The following CMIP variants were observed in gnomAD, a reference collection of about 807,000 sequenced individuals.
The protein encoded by CMIP is c-Maf inducing protein.
A neutral mutation model predicts 97.3 loss-of-function variants in CMIP; 13 were observed. The ratio of observed to expected loss-of-function variants is 0.13; its 90% CI spans 0.09 to 0.21. The LOEUF (loss-of-function observed/expected upper bound fraction) is 0.21. Ranked by LOEUF, CMIP falls within the 10% of genes least tolerant of loss-of-function variation. CMIP has a pLI of 1.00. For synonymous variants in CMIP, 538 were observed against 436.3 expected (o/e 1.23, Z -2.91); for missense variants, 847 against 1,024.9 (o/e 0.83, Z 2.37).
chr16:81,662,009 G>A (rs1054169504), intron 6 of CMIP, among the ~76,000 whole-genome samples: 11 of 152,118 alleles, frequency 7.2e-5, no homozygotes, highest in Non-Finnish European at 1.2e-4. Context: ...GTGTGTGTGT[G>A]TATACAGGTG....
At chr16:81,588,836 G>T (rs995291100) in intron 1 of CMIP, among the ~76,000 whole-genome samples, 1 of 152,042 alleles carries the variant, frequency 6.6e-6, no homozygotes, top group African/African-American at 2.4e-5. Flanking sequence ...GCCTCCCGTC[G>T]TCTTCCTGTG....
chr16:81,701,838 GCAGGCCAGGGGGGGC>G lies in CMIP; in HGVS notation c.1896+43_1896+57del, dbSNP rs767779798. 2.0e-5 allele frequency: 33 copies of G among 1,611,312 alleles called. No individual in the cohort carries two copies. In the South Asian group the frequency reaches 3.0e-4, roughly 14 times the overall value. On this transcript the variant is annotated intron_variant, in intron 16 of 20. Transcript: ENST00000537098. ...CTGCTCCGGACCACTCCCCTGCCCA[GCAGGCCAGGGGGGGC>G]CAGGGCGGGATGCGGGGCAGCTAGT...
At chr16:81,486,994 G>A (rs2089324743) in intron 1 of CMIP, among the ~76,000 whole-genome samples, 1 of 152,278 alleles carries the variant, frequency 6.6e-6, no homozygotes. Flanking sequence ...CGTGAGGGAA[G>A]CTTCTGGAGG....
In CMIP at chr16:81,534,280, C is replaced by G. The variant is rs75753011; in HGVS notation, c.301-73287C>G. Reference sequence around the variant, plus strand: ...CTCAGTCAGGATTTGTTCCATTAAACCTCATTCACTGCCCTCATTTTATGG... The same window carrying G: ...CTCAGTCAGGATTTGTTCCATTAAAGCTCATTCACTGCCCTCATTTTATGG... On this transcript the variant is annotated intron_variant, in intron 1 of 20. Transcript: ENST00000537098. 4.2e-3 allele frequency among the ~76,000 whole-genome samples: 642 copies of G among 152,344 alleles called. 2 individuals carry two copies. The highest frequency in any genetic ancestry group is 0.015 in the African/African-American group (625 of 41,564).
chr16:81,609,772 A>G (rs1251454757), intron 2 of CMIP, among the ~76,000 whole-genome samples: 4 of 152,124 alleles, frequency 2.6e-5, no homozygotes, highest in Non-Finnish European at 5.9e-5. Context: ...CAAAGCCTGA[A>G]TATGGGGGAC....
intron 13 of CMIP, chr16:81,696,301 A>C (rs1275179862): frequency 9.0e-6 from 5 of 557,786 alleles, no homozygotes; most frequent in Non-Finnish European, 1.3e-5. Flanking sequence ...TCAGCCAATC[A>C]AGCCGGGGCC....
chr16:81,558,203 C>T (rs181071864), intron 1 of CMIP, among the ~76,000 whole-genome samples: 1 of 152,284 alleles, frequency 6.6e-6, no homozygotes, highest in East Asian at 1.9e-4. Context: ...TCAGAGGACA[C>T]GAGGTTGCTT....
At chr16:81,641,432 G>A (rs1472983280) in intron 3 of CMIP, among the ~76,000 whole-genome samples, 1 of 151,876 alleles carries the variant, frequency 6.6e-6, no homozygotes, top group African/African-American at 2.4e-5. Context: ...TTTTTTTAAT[G>A]TGCTCAAACA....
At chr16:81,546,011 A>G (rs13333942) in intron 1 of CMIP, among the ~76,000 whole-genome samples, 29,085 of 152,014 alleles carry the variant, frequency 0.19, 2,865 homozygotes, top group East Asian at 0.25. Context: ...GTGGGTGGGG[A>G]AAACGCAAAT....
intron 1 of CMIP, among the ~76,000 whole-genome samples, chr16:81,534,489 A>G (rs1474851535): frequency 6.6e-6 from 1 of 151,746 alleles, no homozygotes; most frequent in African/African-American, 2.4e-5. Context: ...TTGTTTTTCT[A>G]GTCTCTTGAT....
intron 1 of CMIP, among the ~76,000 whole-genome samples, chr16:81,493,491 A>G (rs1388553374): frequency 1.3e-5 from 2 of 152,254 alleles, no homozygotes; most frequent in Non-Finnish European, 2.9e-5. Context: ...AGTGGGGCAC[A>G]TAGTGTGTAC....
At chr16:81,466,522 A>G (rs948116168) in intron 1 of CMIP, among the ~76,000 whole-genome samples, 7 of 152,220 alleles carry the variant, frequency 4.6e-5, no homozygotes, top group African/African-American at 7.2e-5. Context: ...TGTCTGTGTA[A>G]CGAAAGATGG....
Position 81,709,742 on chromosome 16 carries a change from C to T in CMIP, c.2269-4C>T, listed in dbSNP as rs749718536. 1.2e-6 allele frequency: 2 copies of T among 1,613,910 alleles called. No homozygotes were observed. The highest frequency in any genetic ancestry group is 2.7e-5 in the African/African-American group (2 of 75,048). ...GTGACAAGGACTCTTATTGCCACCC[C>T]CAGGCCAAGCTTCCCAATTTGAAGG... On this transcript the variant is annotated splice_region_variant and splice_polypyrimidine_tract_variant and intron_variant, in intron 20 of 20. Transcript: ENST00000537098.
intron 1 of CMIP, among the ~76,000 whole-genome samples, chr16:81,568,048 T>TG (rs1307447136): frequency 9.3e-5 from 14 of 149,782 alleles, no homozygotes; most frequent in African/African-American, 3.2e-4. Flanking sequence ...TGTTTTTTTT[T>TG]TTTTTTTTTT....
intron 1 of CMIP, among the ~76,000 whole-genome samples, chr16:81,492,386 A>T (rs1373851818): frequency 1.3e-5 from 2 of 152,198 alleles, no homozygotes; most frequent in Non-Finnish European, 2.9e-5. Flanking sequence ...GAGTGCCTTC[A>T]GCTCCTGGCT....
chr16:81,477,005 TCATCTATAGTAGGAC>T (rs1023539253), intron 1 of CMIP, among the ~76,000 whole-genome samples: 1 of 152,016 alleles, frequency 6.6e-6, no homozygotes, highest in African/African-American at 2.4e-5. Context: ...TCTTTGGGCT[TCATCTATAGTAGGAC>T]CATTTTTATC....
intron 1 of CMIP, chr16:81,476,028 C>A: frequency 3.1e-6 from 2 of 649,716 alleles, no homozygotes; most frequent in Non-Finnish European, 5.6e-6. Flanking sequence ...AAACTTTATT[C>A]AAGTTGTCCA....
At chr16:81,625,435 G>A (rs923662433) in intron 3 of CMIP, among the ~76,000 whole-genome samples, 3 of 152,256 alleles carry the variant, frequency 2.0e-5, no homozygotes, top group African/African-American at 7.2e-5. Context: ...TCATGCCCTG[G>A]CCCTCAGAGG....
chr16:81,493,875 T>G (rs1169864550), intron 1 of CMIP, among the ~76,000 whole-genome samples: 1 of 152,218 alleles, frequency 6.6e-6, no homozygotes, highest in African/African-American at 2.4e-5. Context: ...GCCTGCCCTG[T>G]GACTCACGCG....
Sources: gnomAD v4.1 joint callset for allele counts (sites outside exome capture counted in the v4.1 genomes callset) on GRCh38, gnomAD v4.1.1 for gene constraint, MANE v1.5 for transcripts, NCBI Gene and HGNC (gene_info 2026-07-23, HGNC 2026-07-21) for gene names.